NKD1: variants seen among roughly 807,000 people sequenced by gnomAD.
NKD1 encodes protein naked cuticle homolog 1.
A neutral mutation model predicts 56.0 loss-of-function variants in NKD1; 21 were observed. The ratio of observed to expected loss-of-function variants is 0.38; its 90% CI spans 0.27 to 0.54. NKD1 has a LOEUF of 0.54. Ranked by LOEUF, NKD1 falls within the 20% of genes least tolerant of loss-of-function variation. The pLI, the probability that NKD1 is intolerant of heterozygous loss-of-function variation, is 0.82. For missense variants in NKD1, 578 were observed against 642.7 expected, an observed-to-expected ratio of 0.90 and a Z score of 1.09; for synonymous variants, 263 against 265.7, an observed-to-expected ratio of 0.99 and a Z score of 0.10.
intron 4 of NKD1, among the ~76,000 whole-genome samples, chr16:50,620,756 C>T (rs1962067626): frequency 6.6e-6 from 1 of 152,166 alleles, no homozygotes. Context: ...AGGTCAAGGA[C>T]AATGATGCTA....
chr16:50,633,686 G>A lies in NKD1; in HGVS notation c.1318G>A (p.Val440Met), dbSNP rs765738928. 5.6e-6 allele frequency: 9 copies of A among 1,599,322 alleles called. No homozygotes were observed. Among genetic ancestry groups the A allele is most frequent in the Non-Finnish European group, 7.7e-6 (9 of 1,173,534 alleles). Reference sequence around the variant, plus strand: ...CCTGCGGGAGCTGCCCGCCTTGGTGGTGTATGAGAGCCAGGCCGGGCAGCC... The same window carrying A: ...CCTGCGGGAGCTGCCCGCCTTGGTGATGTATGAGAGCCAGGCCGGGCAGCC... Reference protein sequence around the residue: ...EHLRELPALVVYESQAGQPVQ... With the variant: ...EHLRELPALVMYESQAGQPVQ... Residue 440 changes from valine to methionine, a missense_variant, in exon 10 of 10, where the codon GTG (valine) becomes ATG (methionine). Physicochemically the swap from Val to Met is conservative, Grantham distance 21 (BLOSUM62 1). Transcript: ENST00000268459. This position sits in a 1 kb window ranked among gnomAD's most constrained non-coding sequence, Gnocchi z 4.9.
chr16:50,599,235 G>T (rs1479882532), intron 3 of NKD1, among the ~76,000 whole-genome samples: 1 of 152,096 alleles, frequency 6.6e-6, no homozygotes, highest in Non-Finnish European at 1.5e-5. Flanking sequence ...AGAAGGAGGT[G>T]ACAGCTGTGA....
At chr16:50,571,064 C>A in intron 3 of NKD1, 1 of 931,086 alleles carries the variant, frequency 1.1e-6, no homozygotes, top group Non-Finnish European at 1.3e-6. Context: ...CTCCCTGGGG[C>A]TGCCTTTGAA....
In NKD1 at chr16:50,598,227, C is replaced by CTG. The variant is rs1491585881; in HGVS notation, c.193-10066_193-10065insGT. Among the ~76,000 whole-genome samples, 2 of 120,144 alleles carry CTG rather than the reference C, an allele frequency of 1.7e-5. No individual in the cohort carries two copies. The highest frequency in any genetic ancestry group is 3.2e-5 in the Non-Finnish European group (2 of 62,130). 78.8% of individuals were successfully genotyped at this position (120,144 alleles called of 152,430 possible). ...GGCACTGCAGGGCCGCATGGGTGGACTCTGTGTGTGTGTGTGTGTGTGTGT... is the reference window on the plus strand; with the variant it reads ...GGCACTGCAGGGCCGCATGGGTGGACTGTCTGTGTGTGTGTGTGTGTGTGTGT... On this transcript the variant is annotated intron_variant, in intron 3 of 9. Transcript: ENST00000268459. This position sits in a 1 kb window ranked among gnomAD's most constrained non-coding sequence, Gnocchi z 4.2.
rs557481145 is a variant in NKD1, at chr16:50,642,202, C to T, written c.*8421C>T. On this transcript the variant is annotated 3_prime_UTR_variant, in exon 10 of 10. Transcript: ENST00000268459. ...AGGGGACGGGAACTCCCCGAGTGGC[C>T]ACATGGGCAGTCTCAGTAGGAGTCT... 6.6e-6 allele frequency: 1 copy of T among 152,370 alleles called. No homozygotes were observed. The highest frequency in any genetic ancestry group is 2.1e-4 in the South Asian group (1 of 4,832). 9.4% of individuals were successfully genotyped at this position (152,370 alleles called of 1,614,324 possible).
rs1596760949 is a variant in NKD1, at chr16:50,632,027, A to G, written c.696-254A>G. ...TTGCTTTGAACCTGTTCAGAGCAAAACCCCGTCCACTCCTCCCAGAAGCTG... is the reference window on the plus strand; with the variant it reads ...TTGCTTTGAACCTGTTCAGAGCAAAGCCCCGTCCACTCCTCCCAGAAGCTG... On this transcript the variant is annotated intron_variant, in intron 8 of 9. Coordinates refer to ENST00000268459, the MANE Select transcript of NKD1 (RefSeq NM_033119.5). This position sits in a 1 kb window ranked among gnomAD's most constrained non-coding sequence, Gnocchi z 4.1. 1.3e-5 allele frequency among the ~76,000 whole-genome samples: 2 copies of G among 152,008 alleles called. No homozygotes were observed. Among genetic ancestry groups the G allele is most frequent in the South Asian group, 4.1e-4 (2 of 4,828 alleles).
intron 4 of NKD1, among the ~76,000 whole-genome samples, chr16:50,618,818 A>T (rs1447022249): frequency 3.3e-5 from 5 of 152,134 alleles, no homozygotes; most frequent in Non-Finnish European, 5.9e-5. Flanking sequence ...CCACTGGTGA[A>T]GAGAGGACAA....
In NKD1 at chr16:50,588,598, CTTTTTTTTT is replaced by C. The variant is rs574622414; in HGVS notation, c.193-19680_193-19672del. 5.3e-5 allele frequency among the ~76,000 whole-genome samples: 5 copies of C among 94,678 alleles called. No individual in the cohort carries two copies. The East Asian group carries it at 8.3e-4, about 16-fold the overall frequency. The allele number at this position is 94,678 out of a possible 152,430, so 62.1% of individuals were successfully genotyped here. A position where few individuals can be genotyped will look rare whatever the true frequency, so the allele number is the denominator to read the frequency against. Reference sequence around the variant, plus strand: ...GTTTCTTTTCTTTTCTTTTCTTCTGCTTTTTTTTTTTTTTTTTTTTTTTTGACAGAGTCT... The same window carrying C: ...GTTTCTTTTCTTTTCTTTTCTTCTGCTTTTTTTTTTTTTTTGACAGAGTCT... On this transcript the variant is annotated intron_variant, in intron 3 of 9. Coordinates refer to ENST00000268459, the MANE Select transcript of NKD1 (RefSeq NM_033119.5).
chr16:50,580,582 T>G (rs967909757), intron 3 of NKD1, among the ~76,000 whole-genome samples: 1 of 152,266 alleles, frequency 6.6e-6, no homozygotes, highest in African/African-American at 2.4e-5. Flanking sequence ...CTGTCATTTT[T>G]GGCAGAAATT....
At chr16:50,625,904 C>T (rs150775931) in intron 6 of NKD1, among the ~76,000 whole-genome samples, 95 of 152,380 alleles carry the variant, frequency 6.2e-4, no homozygotes, top group Non-Finnish European at 1.1e-3. Flanking sequence ...CTAACCGAGT[C>T]CTGTCCTGCT....
intron 3 of NKD1, among the ~76,000 whole-genome samples, chr16:50,588,337 A>G (rs138493925): frequency 7.2e-4 from 110 of 152,378 alleles, no homozygotes; most frequent in African/African-American, 2.5e-3. Flanking sequence ...AACAGCAGGT[A>G]ACGGTAGTTA....
intron 3 of NKD1, among the ~76,000 whole-genome samples, chr16:50,568,839 C>T (rs1960820876): frequency 6.6e-6 from 1 of 152,200 alleles, no homozygotes; most frequent in Admixed American, 6.5e-5. Flanking sequence ...GGACTGGGTG[C>T]TTCTCTCCCC....
At chr16:50,626,726 C>T (rs368209202) in intron 6 of NKD1, among the ~76,000 whole-genome samples, 1 of 152,230 alleles carries the variant, frequency 6.6e-6, no homozygotes, top group East Asian at 1.9e-4. Context: ...TTCCTCATTC[C>T]TTTTCCTCCC....
Position 50,642,681 on chromosome 16 carries a change from A to C in NKD1, c.*8900A>C, listed in dbSNP as rs981533840. On this transcript the variant is annotated 3_prime_UTR_variant, in exon 10 of 10. Transcript: ENST00000268459. ...GTAATAGGCCCTCGATAAGTAAAAC[A>C]GCAACAGTAGCTGCAGTTAGGAGAA... The C allele has an allele frequency of 6.6e-6, 1 of 152,294 alleles. No homozygotes were observed. The highest frequency in any genetic ancestry group is 1.5e-5 in the Non-Finnish European group (1 of 68,098). The allele number at this position is 152,294 out of a possible 1,614,324, so 9.4% of individuals were successfully genotyped here. A position where few individuals can be genotyped will look rare whatever the true frequency, so the allele number is the denominator to read the frequency against.
chr16:50,587,356 TATGAG>T (rs1435598153), intron 3 of NKD1, among the ~76,000 whole-genome samples: 1 of 152,216 alleles, frequency 6.6e-6, no homozygotes, highest in Non-Finnish European at 1.5e-5. Flanking sequence ...TTTCTTTATA[TATGAG>T]ATTTTGTTTG....
At chr16:50,596,980 C>T (rs895741488) in intron 3 of NKD1, among the ~76,000 whole-genome samples, 25 of 151,104 alleles carry the variant, frequency 1.7e-4, no homozygotes, top group Non-Finnish European at 3.4e-4. Flanking sequence ...TGTGGGCGAG[C>T]GGGTGAATGG....
At chr16:50,573,900 A>G in intron 3 of NKD1, 8 of 985,380 alleles carry the variant, frequency 8.1e-6, no homozygotes, top group Non-Finnish European at 9.6e-6. Context: ...GGCACAAACA[A>G]CAGCTGTTGA....
At chr16:50,555,448 G>A (rs1451147595) in intron 3 of NKD1, 2 of 152,506 alleles carry the variant, frequency 1.3e-5, no homozygotes, top group Non-Finnish European at 2.9e-5. Context: ...CAGGTCCTTG[G>A]GGGCTCAACC....
chr16:50,587,911 C>A (rs1961265374), intron 3 of NKD1, among the ~76,000 whole-genome samples: 1 of 152,210 alleles, frequency 6.6e-6, no homozygotes, highest in South Asian at 2.1e-4. Flanking sequence ...CTATCAAATG[C>A]CTCATGATCT....
Sources: allele counts gnomAD v4.1 joint callset (sites outside exome capture counted in the v4.1 genomes callset), GRCh38; gene constraint gnomAD v4.1.1; non-coding constraint Gnocchi (gnomAD v3.1); transcripts MANE v1.5; gene names NCBI Gene and HGNC (gene_info 2026-07-23, HGNC 2026-07-21).